The following CNTN4 variants were observed in gnomAD, a reference collection of about 807,000 sequenced individuals.
CNTN4 encodes the protein contactin 4.
Under a neutral mutation model 122.5 loss-of-function variants are expected in CNTN4, and 77 were observed. That is an observed-to-expected ratio of 0.63 (90% CI 0.52 to 0.76). CNTN4 has a LOEUF of 0.76. Among genes scored for constraint, CNTN4 ranks in the 30% least tolerant of loss-of-function variants. The pLI, the probability that CNTN4 is intolerant of heterozygous loss-of-function variation, is 0.00. For missense variants in CNTN4, 1,256 were observed against 1,259.1 expected (o/e 1.00, Z 0.04); for synonymous variants, 512 against 447.0 (o/e 1.15, Z -1.83).
At chr3:2,340,289 G>A (rs965277214) in intron 3 of CNTN4, among the ~76,000 whole-genome samples, 10 of 152,014 alleles carry the variant, frequency 6.6e-5, no homozygotes, top group African/African-American at 4.8e-5. Context: ...ATAACATGGA[G>A]TGGAGGAAGG....
intron 6 of CNTN4, among the ~76,000 whole-genome samples, chr3:2,781,864 G>A (rs60555038): frequency 0.19 from 16,847 of 90,810 alleles, 2,153 homozygotes; most frequent in African/African-American, 0.22. Context: ...AGCTGGGACT[G>A]CAGGCGCCCG....
At chr3:2,828,977 G>A (rs1230678028) in intron 7 of CNTN4, among the ~76,000 whole-genome samples, 2 of 152,110 alleles carry the variant, frequency 1.3e-5, no homozygotes, top group South Asian at 2.1e-4. Context: ...GGCCTCAAGC[G>A]ATCTTCCTAC....
At chr3:2,699,002 G>C (rs752763686) in intron 4 of CNTN4, among the ~76,000 whole-genome samples, 4 of 146,810 alleles carry the variant, frequency 2.7e-5, no homozygotes, top group Non-Finnish European at 4.5e-5. Flanking sequence ...CAGTGTGGGC[G>C]ACAAGAGCGA....
intron 11 of CNTN4, among the ~76,000 whole-genome samples, chr3:2,901,602 T>A (rs2094174354): frequency 6.6e-6 from 1 of 152,218 alleles, no homozygotes; most frequent in African/African-American, 2.4e-5. Context: ...GGTATTTTCC[T>A]TCTTTTGTGT....
intron 6 of CNTN4, among the ~76,000 whole-genome samples, chr3:2,814,430 T>G (rs1262759499): frequency 6.6e-6 from 1 of 152,234 alleles, no homozygotes; most frequent in Non-Finnish European, 1.5e-5. Flanking sequence ...AATAGAGTTG[T>G]TTCTGTTTAT....
chr3:2,507,106 G>A (rs1219824160), intron 3 of CNTN4, among the ~76,000 whole-genome samples: 1 of 152,166 alleles, frequency 6.6e-6, no homozygotes, highest in Non-Finnish European at 1.5e-5. Context: ...GCAGCTATAT[G>A]TAGAGCACCA....
chr3:2,975,092 A>G (rs1693297206), intron 13 of CNTN4, among the ~76,000 whole-genome samples: 1 of 152,134 alleles, frequency 6.6e-6, no homozygotes, highest in Non-Finnish European at 1.5e-5. Context: ...TATTTTTCAC[A>G]TATTCTTTAC....
At chr3:2,864,130 C>T (rs568095047) in intron 7 of CNTN4, among the ~76,000 whole-genome samples, 11 of 152,248 alleles carry the variant, frequency 7.2e-5, no homozygotes, top group South Asian at 4.2e-4. Context: ...TCTGTACAGC[C>T]CTTTAGAGAA....
intron 2 of CNTN4, among the ~76,000 whole-genome samples, chr3:2,176,497 A>G (rs2036754360): frequency 6.6e-6 from 1 of 152,162 alleles, no homozygotes; most frequent in African/African-American, 2.4e-5. Flanking sequence ...GAGTCTATTC[A>G]TTAAGACAAA....
chr3:2,360,321 T>C (rs185631275), intron 3 of CNTN4, among the ~76,000 whole-genome samples: 98 of 152,278 alleles, frequency 6.4e-4, no homozygotes, highest in Non-Finnish European at 1.0e-3. Context: ...TACTGTTCAG[T>C]TTAAAAATGT....
chr3:3,022,901 C>T (rs775086324), intron 14 of CNTN4, among the ~76,000 whole-genome samples: 9 of 152,088 alleles, frequency 5.9e-5, no homozygotes, highest in Non-Finnish European at 1.2e-4. Flanking sequence ...CATCCAAATC[C>T]AGCCGTCAGT....
chr3:2,925,313 T>C (rs1399946092), intron 12 of CNTN4, among the ~76,000 whole-genome samples: 1 of 152,142 alleles, frequency 6.6e-6, no homozygotes, highest in Non-Finnish European at 1.5e-5. Flanking sequence ...CCCCGCACTT[T>C]GGGAGGCTGA....
intron 6 of CNTN4, among the ~76,000 whole-genome samples, chr3:2,816,568 A>T (rs1322212898): frequency 6.6e-6 from 1 of 151,714 alleles, no homozygotes; most frequent in African/African-American, 2.4e-5. Context: ...CATGCCTGTA[A>T]TTCCAGCACT....
At chr3:2,729,775 G>T (rs1361661564) in intron 4 of CNTN4, among the ~76,000 whole-genome samples, 6 of 151,688 alleles carry the variant, frequency 4.0e-5, no homozygotes, top group Non-Finnish European at 8.8e-5. Context: ...TTAGCCAGGT[G>T]TGTTGGCACG....
At chr3:2,994,613 A>ATATATATATATATATATGTG (rs370506181) in intron 14 of CNTN4, among the ~76,000 whole-genome samples, 5 of 142,154 alleles carry the variant, frequency 3.5e-5, no homozygotes, top group African/African-American at 1.3e-4. Context: ...ATATATATAT[A>ATATATATATATATATATGTG]TGTGTGTATA....
chr3:2,844,108 T>G (rs2093414033), intron 7 of CNTN4, among the ~76,000 whole-genome samples: 1 of 152,134 alleles, frequency 6.6e-6, no homozygotes, highest in Non-Finnish European at 1.5e-5. Context: ...TGAGTGTTGC[T>G]CCCATGCCTT....
At chr3:2,512,123 T>C (rs1481799109) in intron 3 of CNTN4, among the ~76,000 whole-genome samples, 1 of 152,190 alleles carries the variant, frequency 6.6e-6, no homozygotes, top group African/African-American at 2.4e-5. Context: ...TTAACATAGT[T>C]TATTTTGCTG....
intron 3 of CNTN4, among the ~76,000 whole-genome samples, chr3:2,487,328 G>A (rs376263080): frequency 6.6e-6 from 1 of 152,100 alleles, no homozygotes; most frequent in Non-Finnish European, 1.5e-5. Flanking sequence ...TAGTATGGAG[G>A]GTTATTGTTT....
rs114484499 is a variant in CNTN4, at chr3:2,998,221, T to C, written c.1486+9749T>C. Among the ~76,000 whole-genome samples the C allele has an allele frequency of 8.1e-3, 1,239 of 152,268 alleles. 15 individuals are homozygous for C. The highest frequency in any genetic ancestry group is 0.028 in the African/African-American group (1,177 of 41,552). On this transcript the variant is annotated intron_variant, in intron 14 of 24. Transcript: ENST00000418658. ...GTGTAAGACAAAGGAAATTAAATTA[T>C]AATGACCAGTATAGTTGATGAAGGG...
Sources: gnomAD v4.1 joint callset for allele counts (sites outside exome capture counted in the v4.1 genomes callset) on GRCh38, gnomAD v4.1.1 for gene constraint, MANE v1.5 for transcripts, NCBI Gene and HGNC (gene_info 2026-07-23, HGNC 2026-07-21) for gene names.